ADCY5: variants seen among roughly 807,000 people sequenced by gnomAD.
ADCY5 encodes the protein adenylate cyclase 5.
ADCY5 carries 30 observed loss-of-function variants against 119.7 expected under a neutral mutation model. The ratio of observed to expected loss-of-function variants is 0.25; its 90% CI spans 0.19 to 0.34. ADCY5 has a LOEUF of 0.34. Among genes scored for constraint, ADCY5 ranks in the 10% least tolerant of loss-of-function variants. The pLI is 1.00. For missense variants in ADCY5, 1,324 were observed against 1,775.2 expected (o/e 0.75, Z 4.57); for synonymous variants, 753 against 762.2 (o/e 0.99, Z 0.20).
rs1938598487 is a variant in ADCY5, at chr3:123,284,534, C to T, written c.*74G>A. ...GCGGGCTGGAGCATGGCTTCCCCGC[C>T]ACCCCCGGCACACAGAGAAGCTGCT... On this transcript the variant is annotated 3_prime_UTR_variant, in exon 21 of 21. Coordinates refer to ENST00000462833, the MANE Select transcript of ADCY5 (RefSeq NM_183357.3). 1 of 1,589,610 alleles carries T rather than the reference C, an allele frequency of 6.3e-7. No individual in the cohort carries two copies. The highest frequency in any genetic ancestry group is 1.7e-5 in the Admixed American group (1 of 59,050).
chr3:123,442,306 C>T (rs915221613), intron 1 of ADCY5, among the ~76,000 whole-genome samples: 1 of 152,142 alleles, frequency 6.6e-6, no homozygotes, highest in African/African-American at 2.4e-5. Flanking sequence ...CAAGAGGCTG[C>T]GCCATCACGG....
chr3:123,357,313 A>G (rs1943075115), intron 1 of ADCY5, among the ~76,000 whole-genome samples: 1 of 152,050 alleles, frequency 6.6e-6, no homozygotes, highest in African/African-American at 2.4e-5. Context: ...CTGGACAGAG[A>G]AAGAGTGGCC....
chr3:123,352,543 G>C lies in ADCY5; in HGVS notation c.1173C>G (p.Ile391Met), dbSNP rs772370009. 6.2e-7 allele frequency: 1 copy of C among 1,613,528 alleles called. No individual in the cohort carries two copies. Among genetic ancestry groups the C allele is most frequent in the East Asian group, 2.2e-5 (1 of 44,868 alleles). The change falls in exon 2 of 21, where the codon ATC becomes ATG. Residue 391 changes from isoleucine to methionine, a missense_variant. Physicochemically the swap from Ile to Met is conservative, Grantham distance 10. Coordinates refer to ENST00000462833, the MANE Select transcript of ADCY5 (RefSeq NM_183357.3). This position sits in a 1 kb window ranked among gnomAD's most constrained non-coding sequence, Gnocchi z 4.8. ...CCGGATAGTGGGTGCAGACACCCACGATGTTGGTGCAGGAGAAAATGAGAA... is the reference window on the plus strand; with the variant it reads ...CCGGATAGTGGGTGCAGACACCCACCATGTTGGTGCAGGAGAAAATGAGAA... ...SNVLIFSCTNIVGVCTHYPAE... is the reference protein window; with the variant it reads ...SNVLIFSCTNMVGVCTHYPAE...
chr3:123,295,759 C>A (rs1299736850), intron 17 of ADCY5, among the ~76,000 whole-genome samples: 4 of 152,180 alleles, frequency 2.6e-5, no homozygotes, highest in Non-Finnish European at 4.4e-5. Context: ...CCCCTCTGTC[C>A]CTGCCTGGCA....
At chr3:123,346,666 A>T (rs74914203) in intron 3 of ADCY5, among the ~76,000 whole-genome samples, 4,411 of 126,602 alleles carry the variant, frequency 0.035, 235 homozygotes, top group African/African-American at 0.11. Flanking sequence ...TGTGTGTGTG[A>T]GAGAGAGAGA....
intron 12 of ADCY5, among the ~76,000 whole-genome samples, chr3:123,312,388 T>C (rs181349587): frequency 1.6e-4 from 24 of 152,374 alleles, no homozygotes; most frequent in Admixed American, 5.9e-4. Context: ...CTTTTCATTG[T>C]GGCAATATTT....
intron 1 of ADCY5, among the ~76,000 whole-genome samples, chr3:123,438,530 C>T (rs887324199): frequency 6.6e-6 from 1 of 152,154 alleles, no homozygotes; most frequent in African/African-American, 2.4e-5. Flanking sequence ...TCCTGCTTCA[C>T]CCTGCCCAGG....
rs1175208636 is a variant in ADCY5 at position 123,319,718 on chromosome 3, G to A, written c.2212C>T (p.Arg738Cys). The A allele has an allele frequency of 7.4e-6, 12 of 1,614,116 alleles. No homozygotes were observed. Among genetic ancestry groups the A allele is most frequent in the Admixed American group, 6.7e-5 (4 of 60,016 alleles). ...SIDRLRSEHV[R>C]KFLLTFREPD... is the part of the protein sequence containing the mutation. ...TCCCTGAAGGTCAGGAGGAACTTGC[G>A]GACGTGCTCAGACCGAAGCCTATCA... is the stretch of plus-strand genomic sequence containing the variant. The change falls in exon 10 of 21, where the codon CGC becomes TGC. Residue 738 changes from arginine to cysteine, a missense_variant. Transcript: ENST00000462833.
intron 13 of ADCY5, among the ~76,000 whole-genome samples, chr3:123,303,435 G>A (rs1026176392): frequency 1.3e-5 from 2 of 151,710 alleles, no homozygotes; most frequent in African/African-American, 4.8e-5. Flanking sequence ...CCCAGGGAGG[G>A]GTTCTTAAAC....
intron 1 of ADCY5, among the ~76,000 whole-genome samples, chr3:123,400,457 C>A (rs1031480060): frequency 6.6e-6 from 1 of 152,150 alleles, no homozygotes; most frequent in African/African-American, 2.4e-5. Context: ...AAGGAAAAAG[C>A]CTTATGTGCA....
intron 12 of ADCY5, among the ~76,000 whole-genome samples, chr3:123,304,550 T>C (rs1940094267): frequency 1.3e-5 from 2 of 151,908 alleles, no homozygotes; most frequent in Non-Finnish European, 2.9e-5. Flanking sequence ...TGAGGAGTCG[T>C]GGAGGGCTCA....
At chr3:123,344,311 A>G (rs994759301) in intron 3 of ADCY5, among the ~76,000 whole-genome samples, 1 of 151,964 alleles carries the variant, frequency 6.6e-6, no homozygotes, top group African/African-American at 2.4e-5. Flanking sequence ...GTGACTCATC[A>G]CCCTCCATTC....
intron 1 of ADCY5, among the ~76,000 whole-genome samples, chr3:123,396,821 A>T (rs1406965353): frequency 2.8e-5 from 4 of 143,278 alleles, no homozygotes; most frequent in East Asian, 4.2e-4. Flanking sequence ...CAGGCAGGCG[A>T]GAGAGAGAGA....
intron 2 of ADCY5, among the ~76,000 whole-genome samples, chr3:123,351,685 A>C (rs1481089890): frequency 6.6e-6 from 1 of 152,128 alleles, no homozygotes; most frequent in African/African-American, 2.4e-5. Context: ...CCCCTACCTG[A>C]TTCACACACA....
rs1477933449 is a variant in ADCY5, at chr3:123,352,458, G to A, written c.1258C>T (p.His420Tyr). The A allele has an allele frequency of 3.1e-6, 5 of 1,613,430 alleles. No homozygotes were observed. The South Asian group carries it at 3.3e-5, about 11-fold the overall frequency. Residue 420 changes from histidine to tyrosine, a missense_variant, in exon 2 of 21, where the codon CAC becomes TAC. His to Tyr is a moderately conservative substitution (Grantham distance 83). Around this residue, in one of 6 missense-constraint regions of ADCY5, gnomAD observed 123 missense variants for 287.9 expected, o/e 0.43. Coordinates refer to ENST00000462833, the MANE Select transcript of ADCY5 (RefSeq NM_183357.3). The surrounding 1 kb of genome is among the most constrained non-coding windows in gnomAD (Gnocchi z 4.8). ...TGCTGCTGGTTCTCCCGCTGCGAGT[G>A]GAGCCGCGCCTGGATGCACTCTCGG... is the stretch of plus-strand genomic sequence containing the variant. Reference protein sequence around the residue: ...ETRECIQARLHSQRENQQQER... With the variant: ...ETRECIQARLYSQRENQQQER...
At chr3:123,304,268 C>T in intron 12 of ADCY5, 85 bp from the exon 13 acceptor site, 1 of 872,986 alleles carries the variant, frequency 1.1e-6, no homozygotes. Context: ...CCCGGGAGTG[C>T]AGTGGACCCA....
At position 123,320,814 on chromosome 3, in the gene ADCY5, C is replaced by CAG. The variant is rs750780129; in HGVS notation, c.2089-45_2089-44dup. On this transcript the variant is annotated intron_variant, in intron 8 of 20. Coordinates refer to ENST00000462833, the MANE Select transcript of ADCY5 (RefSeq NM_183357.3). ...AAAGAGAAAGAGAAGAGAATGAGAA[C>CAG]AGAGAGAACTGAAAGCTCAGAGGCG... 4.7e-6 allele frequency: 7 copies of CAG among 1,478,598 alleles called. No individual in the cohort carries two copies. The East Asian group carries it at 1.6e-4, about 34-fold the overall frequency. The allele number at this position is 1,478,598 out of a possible 1,614,324, so 91.6% of individuals were successfully genotyped here.
At chr3:123,432,311 T>C (rs1945537461) in intron 1 of ADCY5, among the ~76,000 whole-genome samples, 1 of 152,126 alleles carries the variant, frequency 6.6e-6, no homozygotes, top group Non-Finnish European at 1.5e-5. Context: ...TCTTGTCAAG[T>C]CTTTGAGGTC....
At position 123,299,212 on chromosome 3, in the gene ADCY5, G is replaced by A. The variant is rs182472917; in HGVS notation, c.2900+908C>T. On this transcript the variant is annotated intron_variant, in intron 15 of 20. Transcript: ENST00000462833. ...CCCTCCAATGACAAAGGACAACTCTGATCTGAGGAGTCCCCTTCCCTTCTA... is the reference window on the plus strand; with the variant it reads ...CCCTCCAATGACAAAGGACAACTCTAATCTGAGGAGTCCCCTTCCCTTCTA... Among the ~76,000 whole-genome samples, 441 of 152,286 alleles carry A rather than the reference G, an allele frequency of 2.9e-3. 4 individuals carry two copies. Among genetic ancestry groups the A allele is most frequent in the African/African-American group, 9.7e-3 (405 of 41,554 alleles).
Sources: allele counts gnomAD v4.1 joint callset (sites outside exome capture counted in the v4.1 genomes callset), GRCh38; gene constraint gnomAD v4.1.1; regional missense constraint gnomAD v4.1.1; non-coding constraint Gnocchi (gnomAD v3.1); transcripts MANE v1.5; gene names NCBI Gene and HGNC (gene_info 2026-07-23, HGNC 2026-07-21).